The following IDS variants were observed in gnomAD, a reference collection of about 807,000 sequenced individuals.
IDS encodes the protein alpha-L-iduronate sulfate sulfatase.
IDS carries 1 observed loss-of-function variant against 33.5 expected under a neutral mutation model. The ratio of observed to expected loss-of-function variants is 0.03; its 90% CI spans 0.01 to 0.14. IDS has a LOEUF of 0.14. Among genes scored for constraint, IDS ranks in the 10% least tolerant of loss-of-function variants. The probability of loss-of-function intolerance (pLI) is 1.00; values close to 1 mark genes in which losing one functional copy is unlikely to be tolerated. For missense variants in IDS, 328 were observed against 448.0 expected (o/e 0.73, Z 2.42); for synonymous variants, 191 against 184.4 (o/e 1.04, Z -0.29).
At chrX:149,500,775 G>A (rs377763592) in intron 4 of IDS, among the ~76,000 whole-genome samples, 174 bp downstream of exon 4, 4 of 110,953 alleles carry the variant, frequency 3.6e-5, no homozygotes, top group Non-Finnish European at 7.6e-5. Flanking sequence ...CACTGCTCCT[G>A]TCGGGCCTAA....
At chrX:149,485,992 T>A (rs1458794236) in intron 8 of IDS, among the ~76,000 whole-genome samples, 3 of 111,676 alleles carry the variant, frequency 2.7e-5, no homozygotes, top group Non-Finnish European at 5.6e-5. Context: ...ATGTTAAGGA[T>A]GGATTAAATG....
intron 6 of IDS, among the ~76,000 whole-genome samples, chrX:149,492,038 C>T (rs781796567): frequency 8.9e-6 from 1 of 112,271 alleles, no homozygotes; most frequent in Non-Finnish European, 1.9e-5. Context: ...AGGTAATTAA[C>T]ATTTATTGTT....
chrX:149,496,344 AC>A lies in IDS; in HGVS notation c.879+1del, dbSNP rs782688136. On this transcript the variant is annotated splice_donor_variant, in intron 6 of 8. Transcript: ENST00000340855. LOFTEE classifies it high-confidence loss of function. ...TACATCCCCAAACTATGTCCTTGAT[AC>A]CTGAAAGTCCACAGGAATTGGACCA... 8.3e-7 allele frequency: 1 copy of A among 1,209,418 alleles called. No homozygotes were observed. Among genetic ancestry groups the A allele is most frequent in the Admixed American group, 2.2e-5 (1 of 46,074 alleles).
At position 149,505,031 on chromosome X, in the gene IDS, G is replaced by A; in HGVS notation, c.103+4C>T. On this transcript the variant is annotated splice_donor_region_variant and intron_variant, in intron 1 of 8. Coordinates refer to ENST00000340855, the MANE Select transcript of IDS (RefSeq NM_000202.8). The stretch of plus-strand genomic sequence containing the variant: ...AGAGATGGCAGGGAGGGCGTGGGCG[G>A]CACCTGTGGTCGAGTTGGCCTGCGT... The A allele has an allele frequency of 1.7e-6, 2 of 1,193,114 alleles. No individual in the cohort carries two copies. The highest frequency in any genetic ancestry group is 2.3e-6 in the Non-Finnish European group (2 of 879,089).
chrX:149,485,859 T>C (rs1255577909), intron 8 of IDS, among the ~76,000 whole-genome samples: 12 of 111,389 alleles, frequency 1.1e-4, no homozygotes, highest in Admixed American at 7.6e-4. Context: ...TGCACAAAAA[T>C]CAAAGTGCAA....
chrX:149,489,246 G>A (rs1464007098), intron 7 of IDS, among the ~76,000 whole-genome samples: 1 of 112,707 alleles, frequency 8.9e-6, no homozygotes, highest in Non-Finnish European at 1.9e-5. Context: ...GGAAAAGGTA[G>A]GCTTCTGAGA....
At chrX:149,493,844 G>A (rs142216483) in intron 6 of IDS, among the ~76,000 whole-genome samples, 324 of 111,428 alleles carry the variant, frequency 2.9e-3, no homozygotes, top group African/African-American at 0.01. Flanking sequence ...GCTGATAAGG[G>A]GCACAGCCAG....
intron 3 of IDS, chrX:149,502,140 G>A (rs782237075): frequency 5.5e-5 from 18 of 329,489 alleles, no homozygotes; most frequent in South Asian, 4.7e-4. Flanking sequence ...AAGGTCTTGA[G>A]AACAAAGATT....
At chrX:149,503,142 A>G in intron 3 of IDS, 170 bp downstream of exon 3, 1 of 1,160,355 alleles carries the variant, frequency 8.6e-7, no homozygotes, top group Non-Finnish European at 1.1e-6. Context: ...ACTTTGGGTG[A>G]AAACGTGGCT....
At chrX:149,499,214 T>C (rs1326612354) in intron 4 of IDS, 1 of 109,838 alleles carries the variant, frequency 9.1e-6, no homozygotes, top group Non-Finnish European at 1.9e-5. Context: ...ATTAGCTGGG[T>C]GTGGTGGTGG....
In IDS at chrX:149,505,146, C is replaced by T. The variant is rs1557340637; in HGVS notation, c.-9G>A. ...GTCCGGGGTGGCGGCATTTCGGCTT[C>T]GACGCGGCCGCTTCAGAGCGGCGGG... is the stretch of plus-strand genomic sequence containing the variant. On this transcript the variant is annotated 5_prime_UTR_variant, in exon 1 of 9. Coordinates refer to ENST00000340855, the MANE Select transcript of IDS (RefSeq NM_000202.8). The T allele has an allele frequency of 8.5e-7, 1 of 1,172,865 alleles. No homozygotes were observed. Among genetic ancestry groups the T allele is most frequent in the East Asian group, 3.0e-5 (1 of 32,930 alleles).
intron 1 of IDS, among the ~76,000 whole-genome samples, chrX:149,504,747 G>A (rs1486591623): frequency 9.8e-6 from 1 of 101,840 alleles, no homozygotes; most frequent in Non-Finnish European, 2.0e-5. Context: ...AAAGGAGGGG[G>A]AAAGATGGAT....
intron 4 of IDS, among the ~76,000 whole-genome samples, chrX:149,500,449 A>C (rs1315708898): frequency 8.9e-6 from 1 of 112,238 alleles, no homozygotes; most frequent in Non-Finnish European, 1.9e-5. Context: ...TCATTTATAC[A>C]TTTGGGATTC....
chrX:149,491,085 C>T (rs1205535910), intron 6 of IDS, among the ~76,000 whole-genome samples: 4 of 111,526 alleles, frequency 3.6e-5, no homozygotes, highest in Non-Finnish European at 7.6e-5. Context: ...TGTCAACAGC[C>T]CTTTTCAGGG....
intron 1 of IDS, 57 bp downstream of exon 1, chrX:149,504,978 G>GAGGA (rs1233252471): frequency 2.3e-6 from 2 of 862,597 alleles, no homozygotes; most frequent in Non-Finnish European, 3.4e-6. Context: ...AAGAAGGAAG[G>GAGGA]AGGAAGGAAG....
intron 4 of IDS, among the ~76,000 whole-genome samples, chrX:149,498,907 A>G (rs1035794030): frequency 8.9e-6 from 1 of 112,548 alleles, no homozygotes; most frequent in Admixed American, 9.4e-5. Flanking sequence ...TAGTTATTAT[A>G]CCCAAAAAAA....
chrX:149,490,471 T>A, intron 6 of IDS, 31 bp from the exon 7 acceptor site: 1 of 1,201,690 alleles, frequency 8.3e-7, no homozygotes, highest in Non-Finnish European at 1.1e-6. Flanking sequence ...AAAATGAGAG[T>A]GACTGCAATT....
intron 5 of IDS, 67 bp from the exon 6 acceptor site, chrX:149,496,583 T>C (rs2089439081): frequency 2.8e-6 from 3 of 1,082,763 alleles, no homozygotes; most frequent in Non-Finnish European, 2.6e-6. Flanking sequence ...TGTGGCTCTA[T>C]CACTGTCTAT....
chrX:149,497,844 C>T (rs782719394), intron 5 of IDS, among the ~76,000 whole-genome samples: 1 of 112,454 alleles, frequency 8.9e-6, no homozygotes, highest in African/African-American at 3.2e-5. Context: ...AACCCAACAT[C>T]TGCTCAATAA....
Sources: allele counts gnomAD v4.1 joint callset (sites outside exome capture counted in the v4.1 genomes callset), GRCh38; gene constraint gnomAD v4.1.1; transcripts MANE v1.5; gene names NCBI Gene and HGNC (gene_info 2026-07-23, HGNC 2026-07-21).